The following NFIB variants were observed in gnomAD, a reference collection of about 807,000 sequenced individuals.
The protein encoded by NFIB is nuclear factor 1 B-type.
In NFIB, 11 loss-of-function variants were observed where a neutral mutation model predicts 61.5. That is an observed-to-expected ratio of 0.18 (90% CI 0.11 to 0.30). The LOEUF is 0.30. NFIB is among the 10% of genes least tolerant of loss of function. NFIB has a pLI of 1.00. For synonymous variants in NFIB, 260 were observed against 216.5 expected (o/e 1.20, Z -1.76); for missense variants, 471 against 608.9 (o/e 0.77, Z 2.38).
In NFIB at chr9:14,120,297, T is replaced by A; in HGVS notation, c.1245+143A>T. The A allele has an allele frequency of 1.2e-6, 1 of 859,396 alleles. No homozygotes were observed. 53.2% of individuals were successfully genotyped at this position (859,396 alleles called of 1,614,324 possible). On this transcript the variant is annotated intron_variant, in intron 8 of 10. Transcript: ENST00000380953. This position sits in a 1 kb window ranked among gnomAD's most constrained non-coding sequence, Gnocchi z 4.4. ...TCAGCCACCTTTAAATAAAAACTTA[T>A]TGAGTCACCAAGCAACTTCCTGAAG...
the NFIB span, among the ~76,000 whole-genome samples, chr9:14,473,488 A>G: frequency 4.9e-3 from 744 of 152,348 alleles, 8 homozygotes; most frequent in African/African-American, 0.017. Context: ...CAGATTCAAC[A>G]GGCCTAAAGG....
Position 14,087,779 on chromosome 9 carries a change from C to A in NFIB, c.*530G>T, listed in dbSNP as rs1186537913. The A allele has an allele frequency of 4.6e-6, 1 of 219,672 alleles. No homozygotes were observed. The highest frequency in any genetic ancestry group is 9.1e-6 in the Non-Finnish European group (1 of 109,320). The allele number at this position is 219,672 out of a possible 1,614,324, so 13.6% of individuals were successfully genotyped here. ...GCTCTGTCACCCAGCACCTCTGACG[C>A]CGCCTCCTAGCCTTCGTTGGTGAGA... On this transcript the variant is annotated 3_prime_UTR_variant, in exon 11 of 11. Transcript: ENST00000380953.
At chr9:14,484,446 A>G in the NFIB span, among the ~76,000 whole-genome samples, 3 of 152,280 alleles carry the variant, frequency 2.0e-5, no homozygotes, top group Non-Finnish European at 4.4e-5. Flanking sequence ...CTTATACCCA[A>G]TCTTCTCATC....
At chr9:14,151,040 A>C (rs2042814571) in intron 4 of NFIB, among the ~76,000 whole-genome samples, 2 of 152,172 alleles carry the variant, frequency 1.3e-5, no homozygotes, top group Non-Finnish European at 2.9e-5. Flanking sequence ...CTTGAGAGAT[A>C]AATAGCCTTT....
intron 10 of NFIB, among the ~76,000 whole-genome samples, chr9:14,095,089 G>A (rs1261300693): frequency 1.3e-5 from 2 of 152,062 alleles, no homozygotes; most frequent in Non-Finnish European, 2.9e-5. Context: ...CACTCGTTTA[G>A]TAAAAAACTC....
At chr9:14,149,994 A>T (rs76457858) in intron 5 of NFIB, 151 bp downstream of exon 5, 2 of 1,171,258 alleles carry the variant, frequency 1.7e-6, no homozygotes, top group Non-Finnish European at 2.4e-6. Context: ...CAGCCAAATA[A>T]ATTTAACCAG....
chr9:14,335,322 C>T (rs576126523), intron 1 of NFIB, among the ~76,000 whole-genome samples: 20 of 152,292 alleles, frequency 1.3e-4, no homozygotes, highest in African/African-American at 4.3e-4. Context: ...TATGAGAGCT[C>T]CCATTCCTCC....
chr9:14,164,217 TA>T (rs2044518676), intron 3 of NFIB, among the ~76,000 whole-genome samples: 1 of 151,496 alleles, frequency 6.6e-6, no homozygotes, highest in South Asian at 2.1e-4. Context: ...AAAGAGAAAG[TA>T]AAAATATACA....
chr9:14,349,086 G>A (rs560962980), intron 1 of NFIB, among the ~76,000 whole-genome samples: 1 of 152,354 alleles, frequency 6.6e-6, no homozygotes, highest in South Asian at 2.1e-4. Flanking sequence ...AGTTGCTTGA[G>A]GGAAATCACT....
In NFIB at chr9:14,085,655, T is replaced by C. The variant is rs942073326; in HGVS notation, c.*2654A>G. The C allele has an allele frequency of 4.5e-6, 1 of 220,042 alleles. No homozygotes were observed. 13.6% of individuals were successfully genotyped at this position (220,042 alleles called of 1,614,324 possible). A position where few individuals can be genotyped will look rare whatever the true frequency, so the allele number is the denominator to read the frequency against. On this transcript the variant is annotated 3_prime_UTR_variant, in exon 11 of 11. Transcript: ENST00000380953. The stretch of plus-strand genomic sequence containing the variant: ...TTTGATTTTAATCTATCAGTCCAAA[T>C]ACATTCAACAATAGCAACCCTCTGT...
intron 1 of NFIB, among the ~76,000 whole-genome samples, chr9:14,328,799 G>C (rs915486878): frequency 1.3e-5 from 2 of 152,154 alleles, no homozygotes; most frequent in Non-Finnish European, 2.9e-5. Flanking sequence ...AATTAAAAGA[G>C]ACTTTTGAGA....
intron 2 of NFIB, among the ~76,000 whole-genome samples, chr9:14,284,005 T>A (rs940765186): frequency 3.9e-5 from 6 of 152,260 alleles, no homozygotes; most frequent in East Asian, 1.9e-4. Flanking sequence ...GACCCTTTTT[T>A]AAAAAATAGT....
chr9:14,427,329 T>C, the NFIB span, among the ~76,000 whole-genome samples: 1 of 152,218 alleles, frequency 6.6e-6, no homozygotes, highest in Non-Finnish European at 1.5e-5. Flanking sequence ...CTGGACCAGA[T>C]ACTCTTCTAA....
At chr9:14,246,614 T>C (rs996563075) in intron 2 of NFIB, among the ~76,000 whole-genome samples, 4 of 152,228 alleles carry the variant, frequency 2.6e-5, no homozygotes, top group African/African-American at 9.6e-5. Context: ...GAGCTTTTGC[T>C]GTAAATGAGA....
At chr9:14,266,460 T>G (rs752075373) in intron 2 of NFIB, among the ~76,000 whole-genome samples, 2 of 152,094 alleles carry the variant, frequency 1.3e-5, no homozygotes, top group Non-Finnish European at 2.9e-5. Flanking sequence ...CAGGGTATTG[T>G]GTCCCATGCC....
At chr9:14,360,912 TTTTA>T (rs909298105) in intron 1 of NFIB, among the ~76,000 whole-genome samples, 162 of 152,208 alleles carry the variant, frequency 1.1e-3, no homozygotes, top group African/African-American at 3.7e-3. Flanking sequence ...TTTTGATAAT[TTTTA>T]TTTGTTAGTG....
the NFIB span, among the ~76,000 whole-genome samples, chr9:14,511,373 T>C: frequency 0.013 from 1,914 of 152,226 alleles, 39 homozygotes; most frequent in African/African-American, 0.044. Flanking sequence ...TGTAAATTTT[T>C]CATTTCCCTA....
the NFIB span, among the ~76,000 whole-genome samples, chr9:14,433,042 G>T: frequency 6.6e-6 from 1 of 152,122 alleles, no homozygotes; most frequent in African/African-American, 2.4e-5. Context: ...TGAGACAGGG[G>T]TTAGGGGCAT....
intron 1 of NFIB, among the ~76,000 whole-genome samples, chr9:14,320,351 A>ATTAG (rs2060633118): frequency 6.6e-6 from 1 of 152,202 alleles, no homozygotes; most frequent in Non-Finnish European, 1.5e-5. Flanking sequence ...TTTATTGCCA[A>ATTAG]AGTACTTTTT....
Sources: allele counts gnomAD v4.1 joint callset (sites outside exome capture counted in the v4.1 genomes callset), GRCh38; gene constraint gnomAD v4.1.1; non-coding constraint Gnocchi (gnomAD v3.1); transcripts MANE v1.5; gene names NCBI Gene and HGNC (gene_info 2026-07-23, HGNC 2026-07-21).